Variants in RELN observed in about 807,000 individuals in gnomAD.
RELN encodes reelin.
In RELN, 108 loss-of-function variants were observed where a neutral mutation model predicts 427.6. That is an observed-to-expected ratio of 0.25 (90% CI 0.22 to 0.30). The LOEUF is 0.30. Ranked by LOEUF, RELN falls within the 10% of genes least tolerant of loss-of-function variation. RELN has a pLI of 1.00. For synonymous variants in RELN, 1,524 were observed against 1,513.4 expected (o/e 1.01, Z -0.16); for missense variants, 3,715 against 4,302.8 (o/e 0.86, Z 3.82).
At chr7:103,904,873 A>C (rs1400979859) in intron 2 of RELN, among the ~76,000 whole-genome samples, 1 of 152,072 alleles carries the variant, frequency 6.6e-6, no homozygotes, top group Non-Finnish European at 1.5e-5. Flanking sequence ...AAAATGAAAT[A>C]AAAACTGGAA....
At chr7:103,703,421 G>C (rs1433693541) in intron 8 of RELN, among the ~76,000 whole-genome samples, 2 of 152,144 alleles carry the variant, frequency 1.3e-5, no homozygotes, top group African/African-American at 4.8e-5. Context: ...ATTCTGCCTA[G>C]GGTAAGATGA....
chr7:103,843,230 G>C (rs1793597158), intron 2 of RELN, among the ~76,000 whole-genome samples: 2 of 151,748 alleles, frequency 1.3e-5, no homozygotes, highest in African/African-American at 4.8e-5. Context: ...TAGGAGACAG[G>C]GTCTTGCTCT....
At chr7:103,758,261 A>G (rs1474953456) in intron 4 of RELN, among the ~76,000 whole-genome samples, 2 of 152,188 alleles carry the variant, frequency 1.3e-5, no homozygotes, top group African/African-American at 4.8e-5. Context: ...TTGGAAATTG[A>G]CCTTAGGTAT....
At chr7:103,778,648 G>C (rs371356782) in intron 3 of RELN, among the ~76,000 whole-genome samples, 1 of 152,266 alleles carries the variant, frequency 6.6e-6, no homozygotes, top group East Asian at 1.9e-4. Flanking sequence ...AGTCCACACT[G>C]TTTTCCCCAT....
chr7:103,754,391 T>C (rs1441167023), intron 4 of RELN, among the ~76,000 whole-genome samples: 1 of 151,746 alleles, frequency 6.6e-6, no homozygotes, highest in African/African-American at 2.4e-5. Context: ...GGAGGGACAT[T>C]TGTACTGTAT....
At chr7:103,700,840 T>TAAA in intron 9 of RELN, 70 bp downstream of exon 9, 3 of 929,978 alleles carry the variant, frequency 3.2e-6, no homozygotes, top group Middle Eastern at 4.4e-4. Context: ...AGTGGTGGAT[T>TAAA]GAAGGCATAT....
chr7:103,746,967 A>T (rs1019682819), intron 6 of RELN, among the ~76,000 whole-genome samples: 1 of 152,208 alleles, frequency 6.6e-6, no homozygotes, highest in African/African-American at 2.4e-5. Context: ...ATGCACACGT[A>T]TGTTTATAGC....
chr7:103,642,127 A>C (rs1233917767), intron 16 of RELN, among the ~76,000 whole-genome samples: 2 of 152,218 alleles, frequency 1.3e-5, no homozygotes, highest in Middle Eastern at 3.4e-3. Flanking sequence ...AAGTTGAAAA[A>C]ATTTTTAAAA....
chr7:103,938,225 G>A (rs1251995282), intron 1 of RELN, among the ~76,000 whole-genome samples: 1 of 152,024 alleles, frequency 6.6e-6, no homozygotes, highest in Non-Finnish European at 1.5e-5. Flanking sequence ...AGAGGCTGAG[G>A]AGGAGAATCG....
intron 2 of RELN, among the ~76,000 whole-genome samples, chr7:103,902,196 A>T (rs528707757): frequency 6.6e-6 from 1 of 151,990 alleles, no homozygotes; most frequent in East Asian, 1.9e-4. Flanking sequence ...CGTTTGTCCC[A>T]CTCTCTAGAA....
At position 103,730,633 on chromosome 7, in the gene RELN, C is replaced by T. The variant is rs553127761; in HGVS notation, c.657-2426G>A. Among the ~76,000 whole-genome samples, 138 of 152,190 alleles carry T rather than the reference C, an allele frequency of 9.1e-4. 2 individuals carry two copies. The South Asian group carries it at 0.027, about 30-fold the overall frequency. On this transcript the variant is annotated intron_variant, in intron 6 of 64. Coordinates refer to ENST00000428762, the MANE Select transcript of RELN (RefSeq NM_005045.4). Reference sequence around the variant, plus strand: ...ACAAATGTAAAAAGGCATTGGTAACCCTGCTGAAGAAACTAAAAGATTTAT... The same window carrying T: ...ACAAATGTAAAAAGGCATTGGTAACTCTGCTGAAGAAACTAAAAGATTTAT...
chr7:103,590,910 A>G (rs185812996), intron 27 of RELN, among the ~76,000 whole-genome samples: 3 of 152,224 alleles, frequency 2.0e-5, no homozygotes, highest in Admixed American at 2.0e-4. Context: ...GTTGCAGAGA[A>G]TATACCTTTC....
intron 6 of RELN, 88 bp from the exon 7 acceptor site, chr7:103,728,295 T>C: frequency 1.6e-6 from 2 of 1,245,608 alleles, no homozygotes; most frequent in South Asian, 2.4e-5. Context: ...TAATATTTAT[T>C]GTTACTCAGC....
chr7:103,779,802 G>A (rs531395985), intron 3 of RELN, among the ~76,000 whole-genome samples: 15 of 152,104 alleles, frequency 9.9e-5, no homozygotes, highest in East Asian at 5.8e-4. Context: ...ATCTTGGCTC[G>A]CTGCAACCAC....
intron 60 of RELN, 79 bp downstream of exon 60, chr7:103,489,663 A>G: frequency 1.3e-6 from 2 of 1,508,132 alleles, no homozygotes; most frequent in Non-Finnish European, 9.1e-7. Flanking sequence ...TCCATTTCCT[A>G]GTGGACTTTT....
chr7:103,632,487 C>A (rs1832491506), intron 19 of RELN, among the ~76,000 whole-genome samples: 1 of 152,160 alleles, frequency 6.6e-6, no homozygotes, highest in Non-Finnish European at 1.5e-5. Context: ...AGTGCTAATG[C>A]CAGGATTTGG....
intron 2 of RELN, among the ~76,000 whole-genome samples, chr7:103,900,767 G>A (rs1795066247): frequency 6.6e-6 from 1 of 152,110 alleles, no homozygotes; most frequent in Non-Finnish European, 1.5e-5. Flanking sequence ...AATAAATGCT[G>A]TTGGGAAAAC....
chr7:103,984,694 G>C (rs1797060945), intron 1 of RELN, among the ~76,000 whole-genome samples: 1 of 152,134 alleles, frequency 6.6e-6, no homozygotes, highest in East Asian at 1.9e-4. Flanking sequence ...AATTTTCATA[G>C]TCCTATATAA....
At chr7:103,792,591 A>C (rs1792194779) in intron 3 of RELN, among the ~76,000 whole-genome samples, 1 of 151,904 alleles carries the variant, frequency 6.6e-6, no homozygotes, top group African/African-American at 2.4e-5. Context: ...GGGAAATGTA[A>C]ACTGACAGCT....
Sources: gnomAD v4.1 joint callset for allele counts (sites outside exome capture counted in the v4.1 genomes callset) on GRCh38, gnomAD v4.1.1 for gene constraint, MANE v1.5 for transcripts, NCBI Gene and HGNC (gene_info 2026-07-23, HGNC 2026-07-21) for gene names.